The following ZNF713 variants were observed in gnomAD, a reference collection of about 807,000 sequenced individuals.
The protein encoded by ZNF713 is zinc finger protein 713.
ZNF713 carries 21 observed loss-of-function variants against 28.7 expected under a neutral mutation model. The observed-to-expected ratio is 0.73, with a 90% CI of 0.52 to 1.05. The LOEUF is 1.05. Among genes scored for constraint, ZNF713 ranks in the 50% least tolerant of loss-of-function variants. ZNF713 has a pLI of 0.00. For missense variants in ZNF713, 458 were observed against 532.4 expected (o/e 0.86, Z 1.37); for synonymous variants, 167 against 178.0 (o/e 0.94, Z 0.49).
intron 1 of ZNF713, among the ~76,000 whole-genome samples, chr7:55,897,822 T>C (rs751632241): frequency 5.9e-5 from 9 of 152,184 alleles, no homozygotes; most frequent in Non-Finnish European, 1.3e-4. Flanking sequence ...ATTGACATTG[T>C]ATAGAGTAGA....
At chr7:55,894,260 A>C (rs1178662870) in intron 1 of ZNF713, among the ~76,000 whole-genome samples, 1 of 152,214 alleles carries the variant, frequency 6.6e-6, no homozygotes, top group Admixed American at 6.5e-5. Context: ...CCAAGGAGGC[A>C]GGCCAGGGTA....
At chr7:55,915,519 AC>A (rs1399110039) in intron 4 of ZNF713, among the ~76,000 whole-genome samples, 1 of 152,232 alleles carries the variant, frequency 6.6e-6, no homozygotes, top group East Asian at 1.9e-4. Context: ...CAAAATGAAA[AC>A]AGGGTGCTAT....
chr7:55,922,713 G>T (rs900767287), intron 4 of ZNF713, among the ~76,000 whole-genome samples: 1 of 151,996 alleles, frequency 6.6e-6, no homozygotes, highest in Non-Finnish European at 1.5e-5. Context: ...TTTAAATTAA[G>T]GTATGCACAT....
chr7:55,941,511 C>T lies in ZNF713; in HGVS notation c.*1505C>T, dbSNP rs749499686. 1 of 150,666 alleles carries T rather than the reference C, an allele frequency of 6.6e-6. No homozygotes were observed. The highest frequency in any genetic ancestry group is 1.5e-5 in the Non-Finnish European group (1 of 67,812). 9.3% of individuals were successfully genotyped at this position (150,666 alleles called of 1,614,324 possible). On this transcript the variant is annotated 3_prime_UTR_variant, in exon 7 of 7. Transcript: ENST00000429591. Reference sequence around the variant, plus strand: ...GGCGATGCTGTAGTGCAGCCAGTCACATTAACTTGAAATAAACATAAAAGA... The same window carrying T: ...GGCGATGCTGTAGTGCAGCCAGTCATATTAACTTGAAATAAACATAAAAGA...
chr7:55,914,945 C>A (rs1277855773), intron 4 of ZNF713, among the ~76,000 whole-genome samples: 1 of 152,192 alleles, frequency 6.6e-6, no homozygotes, highest in African/African-American at 2.4e-5. Context: ...ACCTCCGCCT[C>A]CCGGGTTCAA....
chr7:55,923,839 A>G, intron 6 of ZNF713, 140 bp downstream of exon 6: 1 of 548,530 alleles, frequency 1.8e-6, no homozygotes, highest in Non-Finnish European at 3.2e-6. Flanking sequence ...CATATTTTAT[A>G]TTTTTCTGAA....
intron 4 of ZNF713, 66 bp downstream of exon 4, chr7:55,912,789 C>T (rs1785809855): frequency 7.3e-7 from 1 of 1,360,748 alleles, no homozygotes; most frequent in Non-Finnish European, 1.0e-6. Context: ...TTTACTTTTT[C>T]ATTTCTCAGA....
intron 2 of ZNF713, among the ~76,000 whole-genome samples, chr7:55,910,440 G>A (rs185839359): frequency 6.6e-6 from 1 of 152,100 alleles, no homozygotes; most frequent in East Asian, 1.9e-4. Flanking sequence ...GTCATATATG[G>A]CTTTTATTAT....
rs55656709 is a variant in ZNF713, at chr7:55,919,490, G to GTTTTTTTTTTTT, written c.88-3650_88-3639dup. ...GCTGGATAAATTGGTAAACACTCCA[G>GTTTTTTTTTTTT]TTTTTTTTTTTTTTTTTTTTTTTTT... On this transcript the variant is annotated intron_variant, in intron 4 of 6. Transcript: ENST00000429591. 3.6e-3 allele frequency among the ~76,000 whole-genome samples: 242 copies of GTTTTTTTTTTTT among 66,714 alleles called. 16 individuals carry two copies. The highest frequency in any genetic ancestry group is 5.9e-3 in the Non-Finnish European group (189 of 32,192). The allele number at this position is 66,714 out of a possible 152,430, so 43.8% of individuals were successfully genotyped here.
intron 5 of ZNF713, 146 bp downstream of exon 5, chr7:55,923,434 C>G: frequency 1.7e-6 from 2 of 1,185,142 alleles, no homozygotes. Context: ...CCTTTGTTTT[C>G]TGCTCTTTCT....
chr7:55,896,077 G>A (rs1340008107), intron 1 of ZNF713, among the ~76,000 whole-genome samples: 1 of 152,164 alleles, frequency 6.6e-6, no homozygotes, highest in Non-Finnish European at 1.5e-5. Flanking sequence ...CTACCTGGGG[G>A]TGTCCAGGAG....
At chr7:55,889,623 T>A (rs1353752402) in intron 1 of ZNF713, among the ~76,000 whole-genome samples, 2 of 152,254 alleles carry the variant, frequency 1.3e-5, no homozygotes, top group African/African-American at 4.8e-5. Context: ...AGTTCCTTAG[T>A]GATGCCCTCA....
chr7:55,897,297 GTGGAGTGCAGTGGCGTGATCATGGCTCGC>G (rs1785491320), intron 1 of ZNF713, among the ~76,000 whole-genome samples: 3 of 151,074 alleles, frequency 2.0e-5, no homozygotes, highest in East Asian at 2.0e-4. Flanking sequence ...TTCACCTAGG[GTGGAGTGCAGTGGCGTGATCATGGCTCGC>G]TGGAGTGCAG....
chr7:55,926,518 T>C (rs1314906215), intron 6 of ZNF713, among the ~76,000 whole-genome samples: 1 of 152,204 alleles, frequency 6.6e-6, no homozygotes, highest in Non-Finnish European at 1.5e-5. Flanking sequence ...GAGGATGTAG[T>C]AAAACATTTC....
chr7:55,915,831 G>A (rs1278310427), intron 4 of ZNF713, among the ~76,000 whole-genome samples: 1 of 152,154 alleles, frequency 6.6e-6, no homozygotes, highest in African/African-American at 2.4e-5. Context: ...GAAAGCCTTT[G>A]GGGGAATTTA....
In ZNF713 at chr7:55,887,906, A is replaced by C. The variant is rs866279208; in HGVS notation, c.-583+226A>C. ...GGCGGCGGGCGGCGGCGGCGGCGGG[A>C]GGCGGCAGGTGGCGGGAGGGGCGGC... On this transcript the variant is annotated intron_variant, in intron 1 of 6. Transcript: ENST00000429591. Among the ~76,000 whole-genome samples the C allele has an allele frequency of 4.4e-4, 58 of 132,486 alleles. 2 individuals are homozygous for C. The highest frequency in any genetic ancestry group is 2.9e-3 in the South Asian group (12 of 4,082). The allele number at this position is 132,486 out of a possible 152,430, so 86.9% of individuals were successfully genotyped here.
chr7:55,896,601 G>GTGTGTA (rs1554335340), intron 1 of ZNF713, among the ~76,000 whole-genome samples: 7 of 149,302 alleles, frequency 4.7e-5, no homozygotes, highest in African/African-American at 1.5e-4. Flanking sequence ...GTGTGTGTGT[G>GTGTGTA]TATATATATA....
Position 55,940,390 on chromosome 7 carries a change from CTGGGATTACAGGCG to C in ZNF713, c.*389_*402del, listed in dbSNP as rs1286108810. ...CCGCCCACCTCGGCCTCCCAAAGTGCTGGGATTACAGGCGTGGGCCACTGCGCCTGGCCATAAAC... is the reference window on the plus strand; with the variant it reads ...CCGCCCACCTCGGCCTCCCAAAGTGCTGGGCCACTGCGCCTGGCCATAAAC... On this transcript the variant is annotated 3_prime_UTR_variant, in exon 7 of 7. Coordinates refer to ENST00000429591, the MANE Select transcript of ZNF713 (RefSeq NM_182633.3). 1 of 970,490 alleles carries C rather than the reference CTGGGATTACAGGCG, an allele frequency of 1.0e-6. No homozygotes were observed. Among genetic ancestry groups the C allele is most frequent in the African/African-American group, 1.8e-5 (1 of 56,872 alleles). 60.1% of individuals were successfully genotyped at this position (970,490 alleles called of 1,614,324 possible).
chr7:55,937,290 ACT>A (rs1786372480), intron 6 of ZNF713, among the ~76,000 whole-genome samples: 1 of 151,594 alleles, frequency 6.6e-6, no homozygotes, highest in Admixed American at 6.6e-5. Flanking sequence ...ACAGAGCAAG[ACT>A]CTGTCTCCAG....
Sources: gnomAD v4.1 joint callset for allele counts (sites outside exome capture counted in the v4.1 genomes callset) on GRCh38, gnomAD v4.1.1 for gene constraint, MANE v1.5 for transcripts, NCBI Gene and HGNC (gene_info 2026-07-23, HGNC 2026-07-21) for gene names.